The following TMEM209 variants were observed in gnomAD, a reference collection of about 807,000 sequenced individuals.
TMEM209 encodes the protein testicular tissue protein Li 202.
TMEM209 carries 65 observed loss-of-function variants against 76.2 expected under a neutral mutation model. The ratio of observed to expected loss-of-function variants is 0.85; its 90% CI spans 0.70 to 1.05. The LOEUF is 1.05. Ranked by LOEUF, TMEM209 falls within the 50% of genes least tolerant of loss-of-function variation. The pLI, the probability that TMEM209 is intolerant of heterozygous loss-of-function variation, is 0.00. For missense variants in TMEM209, 623 were observed against 685.5 expected (o/e 0.91, Z 1.02); for synonymous variants, 239 against 237.6 (o/e 1.01, Z -0.06).
chr7:130,202,354 AATAGCTGAAT>A (rs1798240983), intron 4 of TMEM209, among the ~76,000 whole-genome samples, 168 bp downstream of exon 4: 1 of 152,232 alleles, frequency 6.6e-6, no homozygotes, highest in African/African-American at 2.4e-5. Flanking sequence ...ACTTCCATGA[AATAGCTGAAT>A]GTATACAAGT....
At chr7:130,202,211 T>C (rs1798235041) in intron 4 of TMEM209, 120 bp from the exon 5 acceptor site, 7 of 1,294,730 alleles carry the variant, frequency 5.4e-6, no homozygotes, top group South Asian at 1.6e-5. Context: ...TACTTGGTTG[T>C]TAAATCACAG....
chr7:130,205,225 A>G, intron 1 of TMEM209, 148 bp downstream of exon 1: 1 of 1,592,756 alleles, frequency 6.3e-7, no homozygotes, highest in African/African-American at 1.3e-5. Flanking sequence ...CAGCAACCCT[A>G]TTGCTTCTTT....
intron 5 of TMEM209, among the ~76,000 whole-genome samples, chr7:130,197,688 A>T (rs887035270): frequency 6.6e-6 from 1 of 152,216 alleles, no homozygotes; most frequent in Non-Finnish European, 1.5e-5. Context: ...AGACACATGA[A>T]ACATTATGGT....
chr7:130,192,783 G>A lies in TMEM209; in HGVS notation c.614C>T (p.Thr205Ile), dbSNP rs767738375. 4 of 1,613,958 alleles carry A rather than the reference G, an allele frequency of 2.5e-6. No individual in the cohort carries two copies. In the Admixed American group the frequency reaches 6.7e-5, roughly 27 times the overall value. ...ACTGCTCTCCACTGGTCCAACAGTG[G>A]TAGGGTACGGAGAAGGAGGAGAGGG... is the stretch of plus-strand genomic sequence containing the variant. ...FSPSPPSPYPTTVGPVESSGL... is the reference protein window; with the variant it reads ...FSPSPPSPYPITVGPVESSGL... The change falls in exon 6 of 15, where the codon ACC (threonine) becomes ATC (isoleucine). Residue 205 changes from threonine to isoleucine, a missense_variant. Thr to Ile is a moderately conservative substitution (Grantham distance 89, BLOSUM62 -1). Transcript: ENST00000397622.
In TMEM209 at chr7:130,166,372, G is replaced by T; in HGVS notation, c.*79C>A. ...CCCATGTGTATTTTATTTCAGAAGA[G>T]TCAGTGGCTCAGAGATGTTTAGTTT... On this transcript the variant is annotated 3_prime_UTR_variant, in exon 15 of 15. Coordinates refer to ENST00000397622, the MANE Select transcript of TMEM209 (RefSeq NM_032842.4). 1 of 1,159,360 alleles carries T rather than the reference G, an allele frequency of 8.6e-7. No individual in the cohort carries two copies. The allele number at this position is 1,159,360 out of a possible 1,614,324, so 71.8% of individuals were successfully genotyped here.
intron 6 of TMEM209, among the ~76,000 whole-genome samples, chr7:130,190,817 C>T (rs909397587): frequency 1.3e-5 from 2 of 151,646 alleles, no homozygotes; most frequent in African/African-American, 4.8e-5. Flanking sequence ...GGCAACATGG[C>T]AAAACCCGGT....
At chr7:130,198,038 C>T (rs73146719) in intron 5 of TMEM209, among the ~76,000 whole-genome samples, 250 of 152,326 alleles carry the variant, frequency 1.6e-3, no homozygotes, top group Non-Finnish European at 3.1e-3. Flanking sequence ...TCAGAACATT[C>T]TTGTTCTTCC....
chr7:130,189,531 T>C (rs1490862093), intron 6 of TMEM209, among the ~76,000 whole-genome samples: 12 of 152,296 alleles, frequency 7.9e-5, no homozygotes, highest in African/African-American at 2.6e-4. Context: ...GTCTTGGTCT[T>C]AGGAGATGCA....
chr7:130,205,037 G>T, intron 1 of TMEM209: 4 of 1,281,424 alleles, frequency 3.1e-6, no homozygotes, highest in Non-Finnish European at 3.0e-6. Flanking sequence ...CCACATTTGG[G>T]ATTTATAATT....
rs397796918 is a variant in TMEM209, at chr7:130,203,857, A to AT, written c.141-12dup. ...ATCAATTTTCCAGTCCTGAAAAAAA[A>AT]TTAGAAAGGCTTTCCAGTGAACCTA... On this transcript the variant is annotated splice_polypyrimidine_tract_variant and intron_variant, in intron 2 of 14. Transcript: ENST00000397622. 3 of 1,599,428 alleles carry AT rather than the reference A, an allele frequency of 1.9e-6. No homozygotes were observed. The highest frequency in any genetic ancestry group is 3.5e-5 in the Admixed American group (2 of 57,400).
In TMEM209 at chr7:130,173,671, A is replaced by G. The variant is rs1240784098; in HGVS notation, c.1518T>C (p.Tyr506=). 4 of 1,613,798 alleles carry G rather than the reference A, an allele frequency of 2.5e-6. No individual in the cohort carries two copies. The South Asian group carries it at 4.4e-5, about 18-fold the overall frequency. The change falls in exon 13 of 15, where the codon TAT becomes TAC. Residue 506 remains tyrosine (Y), a synonymous_variant. Coordinates refer to ENST00000397622, the MANE Select transcript of TMEM209 (RefSeq NM_032842.4). ...ATACATGACGCTGGTAGATGAGCTC[A>G]TAATGGGGAGGGTTGATAGCACTCT... The part of the protein sequence containing the change: ...IYQSAINPPH[Y]ELIYQRHVYN...
intron 6 of TMEM209, among the ~76,000 whole-genome samples, chr7:130,188,615 A>AAAAAAG (rs1797692563): frequency 6.6e-6 from 1 of 150,480 alleles, no homozygotes; most frequent in African/African-American, 2.4e-5. Context: ...AAAAAAAAAA[A>AAAAAAG]AAAAAGAAAA....
chr7:130,197,076 A>C (rs968723323), intron 5 of TMEM209, among the ~76,000 whole-genome samples: 55 of 152,224 alleles, frequency 3.6e-4, no homozygotes, highest in Admixed American at 2.6e-4. Flanking sequence ...AAACAAACAA[A>C]CACCACACAG....
intron 10 of TMEM209, among the ~76,000 whole-genome samples, chr7:130,176,447 A>G (rs1797240207): frequency 6.6e-6 from 1 of 152,058 alleles, no homozygotes; most frequent in South Asian, 2.1e-4. Flanking sequence ...GCTTTTTTGT[A>G]TATTTGATAT....
chr7:130,180,195 G>A (rs1249288761), intron 9 of TMEM209, among the ~76,000 whole-genome samples: 2 of 152,118 alleles, frequency 1.3e-5, no homozygotes, highest in South Asian at 2.1e-4. Context: ...TAAGAGAGTT[G>A]AAAATAGGTG....
At chr7:130,168,481 T>A (rs1243479571) in intron 14 of TMEM209, among the ~76,000 whole-genome samples, 1 of 152,162 alleles carries the variant, frequency 6.6e-6, no homozygotes, top group Non-Finnish European at 1.5e-5. Context: ...CAACATGGAA[T>A]AATAACAATA....
chr7:130,193,503 C>A (rs754670127), intron 5 of TMEM209, among the ~76,000 whole-genome samples: 1 of 151,518 alleles, frequency 6.6e-6, no homozygotes, highest in Non-Finnish European at 1.5e-5. Context: ...CGCGCGACTG[C>A]ACTCCAGCCT....
At chr7:130,179,679 T>G (rs999948691) in intron 9 of TMEM209, among the ~76,000 whole-genome samples, 1 of 152,252 alleles carries the variant, frequency 6.6e-6, no homozygotes, top group Non-Finnish European at 1.5e-5. Flanking sequence ...GTGTATCTTC[T>G]AAGCCTTGAA....
chr7:130,189,576 C>T (rs1027071), intron 6 of TMEM209, among the ~76,000 whole-genome samples: 37,486 of 151,916 alleles, frequency 0.25, 5,380 homozygotes, highest in East Asian at 0.59. Context: ...GAATGATGCC[C>T]GCAACTTCCT....
Sources: gnomAD v4.1 joint callset for allele counts (sites outside exome capture counted in the v4.1 genomes callset) on GRCh38, gnomAD v4.1.1 for gene constraint, MANE v1.5 for transcripts, NCBI Gene and HGNC (gene_info 2026-07-23, HGNC 2026-07-21) for gene names.